UNC5D: variants seen among roughly 807,000 people sequenced by gnomAD.
UNC5D encodes unc-5 netrin receptor D.
In UNC5D, 39 loss-of-function variants were observed where a neutral mutation model predicts 105.4. That is an observed-to-expected ratio of 0.37 (90% CI 0.29 to 0.48). UNC5D has a LOEUF of 0.48. Among genes scored for constraint, UNC5D ranks in the 20% least tolerant of loss-of-function variants. UNC5D has a pLI of 0.98. For synonymous variants in UNC5D, 452 were observed against 450.4 expected, an observed-to-expected ratio of 1.00 and a Z score of -0.04; for missense variants, 991 against 1,202.4, an observed-to-expected ratio of 0.82 and a Z score of 2.60.
intron 1 of UNC5D, among the ~76,000 whole-genome samples, chr8:35,350,626 T>C (rs909710760): frequency 6.6e-6 from 1 of 152,098 alleles, no homozygotes; most frequent in Admixed American, 6.6e-5. Context: ...AGTGATTTCA[T>C]ACTGGTGGTC....
intron 4 of UNC5D, among the ~76,000 whole-genome samples, chr8:35,600,175 G>A (rs1819768634): frequency 6.6e-6 from 1 of 152,122 alleles, no homozygotes; most frequent in South Asian, 2.1e-4. Context: ...GTGTATATGA[G>A]CCACATTTTC....
chr8:35,395,142 C>T (rs1025600021), intron 1 of UNC5D, among the ~76,000 whole-genome samples: 1 of 152,168 alleles, frequency 6.6e-6, no homozygotes, highest in Non-Finnish European at 1.5e-5. Context: ...GTGTTAAGTG[C>T]TTTGGGAACT....
chr8:35,423,668 T>C (rs138060917), intron 1 of UNC5D, among the ~76,000 whole-genome samples: 1 of 152,186 alleles, frequency 6.6e-6, no homozygotes, highest in Non-Finnish European at 1.5e-5. Context: ...ACAAGTGTCA[T>C]GTTTTGGAGA....
intron 1 of UNC5D, among the ~76,000 whole-genome samples, chr8:35,520,041 A>AC (rs772044874): frequency 2.6e-5 from 4 of 151,724 alleles, no homozygotes; most frequent in South Asian, 4.2e-4. Flanking sequence ...CTGCCATATG[A>AC]CCCCCCCAAT....
chr8:35,471,603 C>A (rs59942624), intron 1 of UNC5D, among the ~76,000 whole-genome samples: 1 of 152,158 alleles, frequency 6.6e-6, no homozygotes, highest in Non-Finnish European at 1.5e-5. Flanking sequence ...ATAGTGGATT[C>A]TATTGCTTTA....
At position 35,487,929 on chromosome 8, in the gene UNC5D, A is replaced by C. The variant is rs541427947; in HGVS notation, c.104-61363A>C. On this transcript the variant is annotated intron_variant, in intron 1 of 16. Transcript: ENST00000404895. Reference sequence around the variant, plus strand: ...TTTTCTAGTGGTTTGTGGAAGGTACAATTTATGAGTGATATAAACTTAGAT... The same window carrying C: ...TTTTCTAGTGGTTTGTGGAAGGTACCATTTATGAGTGATATAAACTTAGAT... Among the ~76,000 whole-genome samples, 37 of 152,334 alleles carry C rather than the reference A, an allele frequency of 2.4e-4. 1 individual carries two copies. The highest frequency in any genetic ancestry group is 8.2e-4 in the African/African-American group (34 of 41,584).
chr8:35,619,285 C>T (rs886400637), intron 4 of UNC5D, among the ~76,000 whole-genome samples: 1 of 152,082 alleles, frequency 6.6e-6, no homozygotes, highest in Non-Finnish European at 1.5e-5. Context: ...TATGAATGAG[C>T]TCATTGTGGT....
intron 1 of UNC5D, among the ~76,000 whole-genome samples, chr8:35,316,067 G>C (rs1373038807): frequency 6.6e-6 from 1 of 152,142 alleles, no homozygotes; most frequent in Non-Finnish European, 1.5e-5. Flanking sequence ...ATTGGAAATA[G>C]GCTGACCAAC....
intron 3 of UNC5D, among the ~76,000 whole-genome samples, chr8:35,572,910 T>C (rs1454472155): frequency 6.6e-6 from 1 of 151,814 alleles, no homozygotes; most frequent in African/African-American, 2.4e-5. Flanking sequence ...TTCACGCCAT[T>C]CTCCTCCCTC....
chr8:35,307,974 T>A (rs1167077729), intron 1 of UNC5D, among the ~76,000 whole-genome samples: 3 of 152,174 alleles, frequency 2.0e-5, no homozygotes, highest in Admixed American at 2.0e-4. Context: ...AGGCCTGTGA[T>A]AATCGACTTC....
rs571305288 is a variant in UNC5D, at chr8:35,250,886, T to G, written c.103+14999T>G. Among the ~76,000 whole-genome samples, 11 of 152,290 alleles carry G rather than the reference T, an allele frequency of 7.2e-5. No homozygotes were observed. The South Asian group carries it at 2.1e-3, about 29-fold the overall frequency. On this transcript the variant is annotated intron_variant, in intron 1 of 16. Transcript: ENST00000404895. ...TCTTTATGTCCATGTGTACCCAGTG[T>G]GTAGGTCCCATTTATAAATGAGAAC...
At chr8:35,283,739 G>A (rs1056906386) in intron 1 of UNC5D, among the ~76,000 whole-genome samples, 1 of 151,754 alleles carries the variant, frequency 6.6e-6, no homozygotes, top group African/African-American at 2.4e-5. Context: ...AGAAGGTGGA[G>A]GTTGCAGTGA....
At chr8:35,476,300 C>G (rs994429646) in intron 1 of UNC5D, among the ~76,000 whole-genome samples, 1 of 152,128 alleles carries the variant, frequency 6.6e-6, no homozygotes, top group Non-Finnish European at 1.5e-5. Flanking sequence ...TCCCAACACC[C>G]GAGTTATAAT....
chr8:35,507,125 G>A (rs1403506753), intron 1 of UNC5D, among the ~76,000 whole-genome samples: 2 of 134,348 alleles, frequency 1.5e-5, no homozygotes, highest in African/African-American at 2.8e-5. Flanking sequence ...GCGGGATCTC[G>A]GCTCACTGCA....
intron 1 of UNC5D, among the ~76,000 whole-genome samples, chr8:35,318,022 T>G (rs1192844715): frequency 2.0e-5 from 3 of 152,038 alleles, no homozygotes; most frequent in African/African-American, 7.2e-5. Context: ...TTAATTCTTT[T>G]TCAAGTCTTA....
intron 7 of UNC5D, among the ~76,000 whole-genome samples, chr8:35,696,282 A>ATTTTTTT (rs755876112): frequency 5.2e-4 from 59 of 113,136 alleles, no homozygotes; most frequent in Non-Finnish European, 7.4e-4. Context: ...TCAATATTTA[A>ATTTTTTT]TTTTTTTTTT....
chr8:35,390,372 C>T (rs1487449256), intron 1 of UNC5D, among the ~76,000 whole-genome samples: 1 of 152,024 alleles, frequency 6.6e-6, no homozygotes, highest in Non-Finnish European at 1.5e-5. Context: ...AGTAGGTTAT[C>T]AATAAATAAT....
At chr8:35,606,517 A>C (rs2130955508) in intron 4 of UNC5D, among the ~76,000 whole-genome samples, 1 of 152,260 alleles carries the variant, frequency 6.6e-6, no homozygotes, top group Admixed American at 6.5e-5. Context: ...AGATTATTTC[A>C]TCACTCAGGT....
chr8:35,354,510 A>G (rs548406559), intron 1 of UNC5D, among the ~76,000 whole-genome samples: 3 of 152,256 alleles, frequency 2.0e-5, no homozygotes, highest in African/African-American at 7.2e-5. Context: ...TTCATTATGC[A>G]TAATTTATTT....
Sources: allele counts gnomAD v4.1 joint callset (sites outside exome capture counted in the v4.1 genomes callset), GRCh38; gene constraint gnomAD v4.1.1; transcripts MANE v1.5; gene names NCBI Gene and HGNC (gene_info 2026-07-23, HGNC 2026-07-21).